The following TRPV4 variants were observed in gnomAD, a reference collection of about 807,000 sequenced individuals.
TRPV4 encodes OSM9-like transient receptor potential channel 4.
In TRPV4, 58 loss-of-function variants were observed where a neutral mutation model predicts 84.1. The observed-to-expected ratio is 0.69, with a 90% CI of 0.56 to 0.86. TRPV4 has a LOEUF of 0.86. Among genes scored for constraint, TRPV4 ranks in the 40% least tolerant of loss-of-function variants. The probability of loss-of-function intolerance (pLI) is 0.00; values close to 1 mark genes in which losing one functional copy is unlikely to be tolerated. For synonymous variants in TRPV4, 489 were observed against 500.9 expected, an observed-to-expected ratio of 0.98 and a Z score of 0.32; for missense variants, 879 against 1,181.1, an observed-to-expected ratio of 0.74 and a Z score of 3.75.
intron 3 of TRPV4, 81 bp downstream of exon 3, chr12:109,808,215 G>A: frequency 6.6e-7 from 1 of 1,524,420 alleles, no homozygotes. Flanking sequence ...GAAAGAAGCT[G>A]AGGGGAAAGG....
chr12:109,795,212 A>G (rs1310323230), intron 7 of TRPV4, among the ~76,000 whole-genome samples: 1 of 152,192 alleles, frequency 6.6e-6, no homozygotes, highest in East Asian at 1.9e-4. Flanking sequence ...ACTCACCACA[A>G]TTCTCCAATT....
At chr12:109,795,934 T>TTTA (rs1274297887) in intron 7 of TRPV4, among the ~76,000 whole-genome samples, 1 of 151,584 alleles carries the variant, frequency 6.6e-6, no homozygotes, top group African/African-American at 2.4e-5. Context: ...TTATTATTTT[T>TTTA]TTTTGGTAGA....
At chr12:109,821,162 C>T (rs1041702803) in intron 1 of TRPV4, among the ~76,000 whole-genome samples, 1 of 152,270 alleles carries the variant, frequency 6.6e-6, no homozygotes, top group African/African-American at 2.4e-5. Context: ...AAACCTGCTC[C>T]GCCCCAGCGG....
At chr12:109,830,226 T>A (rs1354400671) in intron 1 of TRPV4, among the ~76,000 whole-genome samples, 2 of 152,176 alleles carry the variant, frequency 1.3e-5, no homozygotes, top group South Asian at 4.1e-4. Context: ...AGGGATGGAT[T>A]TGCAATCACA....
At chr12:109,820,147 G>A (rs949205179) in intron 1 of TRPV4, among the ~76,000 whole-genome samples, 1 of 152,122 alleles carries the variant, frequency 6.6e-6, no homozygotes, top group Admixed American at 6.6e-5. Context: ...CAATCCCTTT[G>A]GGGGCAGACC....
In TRPV4 at chr12:109,814,994, T is replaced by C; in HGVS notation, c.-31-167A>G. On this transcript the variant is annotated intron_variant, in intron 1 of 15. Coordinates refer to ENST00000261740, the MANE Select transcript of TRPV4 (RefSeq NM_021625.5). The surrounding 1 kb of genome is among the most constrained non-coding windows in gnomAD (Gnocchi z 5.4). ...TCCCAGATGTGGTTGGCCGCCAGCCTCAGGCGGGAACTGCAACAGGAGCCT... is the reference window on the plus strand; with the variant it reads ...TCCCAGATGTGGTTGGCCGCCAGCCCCAGGCGGGAACTGCAACAGGAGCCT... 4.6e-6 allele frequency: 3 copies of C among 652,702 alleles called. No homozygotes were observed. In the South Asian group the frequency reaches 5.8e-5, roughly 13 times the overall value. The allele number at this position is 652,702 out of a possible 1,614,324, so 40.4% of individuals were successfully genotyped here. A position where few individuals can be genotyped will look rare whatever the true frequency, so the allele number is the denominator to read the frequency against.
chr12:109,819,531 T>C (rs1032014989), intron 1 of TRPV4, among the ~76,000 whole-genome samples: 1 of 152,224 alleles, frequency 6.6e-6, no homozygotes, highest in Non-Finnish European at 1.5e-5. Context: ...CCTCACACAC[T>C]GACATCTTCA....
At chr12:109,805,869 A>C (rs1420516464) in intron 3 of TRPV4, among the ~76,000 whole-genome samples, 1 of 152,222 alleles carries the variant, frequency 6.6e-6, no homozygotes, top group South Asian at 2.1e-4. Context: ...GAAGCCCCCA[A>C]CTCAGTCCTG....
rs750139086 is a variant in TRPV4 at position 109,786,662 on chromosome 12, T to C, written c.2336+48A>G. The stretch of plus-strand genomic sequence containing the variant: ...TGGAGCAGCAGGGGCCCCGAGCCAG[T>C]GGGGACAGTTCCGCCCTGCCATCCT... On this transcript the variant is annotated intron_variant, in intron 14 of 15. Coordinates refer to ENST00000261740, the MANE Select transcript of TRPV4 (RefSeq NM_021625.5). The surrounding 1 kb of genome is among the most constrained non-coding windows in gnomAD (Gnocchi z 4.5). The C allele has an allele frequency of 5.6e-6, 9 of 1,611,408 alleles. No individual in the cohort carries two copies. The highest frequency in any genetic ancestry group is 1.3e-5 in the African/African-American group (1 of 74,892).
At chr12:109,785,470 G>A (rs1050162982) in intron 14 of TRPV4, among the ~76,000 whole-genome samples, 1 of 151,822 alleles carries the variant, frequency 6.6e-6, no homozygotes, top group African/African-American at 2.4e-5. Flanking sequence ...CCAGACTGGA[G>A]TGCAGTAGTG....
At chr12:109,823,859 T>G (rs910727877) in intron 1 of TRPV4, among the ~76,000 whole-genome samples, 2 of 152,152 alleles carry the variant, frequency 1.3e-5, no homozygotes, top group African/African-American at 4.8e-5. Flanking sequence ...GTCACTTCCC[T>G]CCCAGAACCT....
In TRPV4 at chr12:109,793,650, AGAG is replaced by A. The variant is rs1287193597; in HGVS notation, c.1585-53_1585-51del. The A allele has an allele frequency of 2.8e-6, 4 of 1,412,344 alleles. No individual in the cohort carries two copies. The highest frequency in any genetic ancestry group is 2.3e-5 in the East Asian group (1 of 43,928). 87.5% of individuals were successfully genotyped at this position (1,412,344 alleles called of 1,614,324 possible). ...AAAGGGGTGGGGCCAGCAGGAGAGGAGAGGAGGAGAGAGGAGACAGAGAAAGGG... is the reference window on the plus strand; with the variant it reads ...AAAGGGGTGGGGCCAGCAGGAGAGGAGAGGAGAGAGGAGACAGAGAAAGGG... On this transcript the variant is annotated intron_variant, in intron 9 of 15. Transcript: ENST00000261740. This position sits in a 1 kb window ranked among gnomAD's most constrained non-coding sequence, Gnocchi z 4.0.
At chr12:109,820,576 T>C (rs1281171869) in intron 1 of TRPV4, among the ~76,000 whole-genome samples, 2 of 140,700 alleles carry the variant, frequency 1.4e-5, no homozygotes, top group Non-Finnish European at 3.0e-5. Flanking sequence ...TAGGCTGGAG[T>C]GCAGTGGCGC....
intron 12 of TRPV4, among the ~76,000 whole-genome samples, chr12:109,788,949 A>ATCTC (rs747965800): frequency 2.1e-4 from 32 of 151,218 alleles, no homozygotes; most frequent in African/African-American, 7.3e-4. Context: ...GGAAGAGGTT[A>ATCTC]TCTCTCTCTC....
intron 1 of TRPV4, among the ~76,000 whole-genome samples, chr12:109,816,793 G>A (rs1891872305): frequency 6.6e-6 from 1 of 152,094 alleles, no homozygotes; most frequent in Non-Finnish European, 1.5e-5. Context: ...AAATACCTCA[G>A]GTAAGTTGCT....
chr12:109,801,299 C>T (rs1203733719), intron 4 of TRPV4, among the ~76,000 whole-genome samples: 1 of 152,220 alleles, frequency 6.6e-6, no homozygotes, highest in African/African-American at 2.4e-5. Context: ...ACCTAAATCT[C>T]ACCTTGAATT....
At chr12:109,806,281 A>C (rs1592850589) in intron 3 of TRPV4, among the ~76,000 whole-genome samples, 1 of 147,156 alleles carries the variant, frequency 6.8e-6, no homozygotes, top group African/African-American at 2.5e-5. Context: ...TGCAACCCCC[A>C]CCTCCCAGGT....
At chr12:109,831,486 C>T (rs1047774725) in intron 1 of TRPV4, among the ~76,000 whole-genome samples, 1 of 152,246 alleles carries the variant, frequency 6.6e-6, no homozygotes, top group Non-Finnish European at 1.5e-5. Context: ...ATCCTTCTTG[C>T]CTTCACACGC....
chr12:109,783,652 C>CG lies in TRPV4; in HGVS notation c.2584dup (p.Arg862ProfsTer6), dbSNP rs746597270. On this transcript the variant is annotated frameshift_variant, in exon 16 of 16. Transcript: ENST00000261740. LOFTEE classifies it high-confidence loss of function. This position sits in a 1 kb window ranked among gnomAD's most constrained non-coding sequence, Gnocchi z 4.6. ...CGGGGCGTCATCAGTCCTCCACTTG[C>CG]GGGGGTAACCCTGCTGGTGGCCATC... 1.2e-6 allele frequency: 2 copies of CG among 1,613,654 alleles called. No individual in the cohort carries two copies. Among genetic ancestry groups the CG allele is most frequent in the Non-Finnish European group, 1.7e-6 (2 of 1,179,970 alleles).
Sources: gnomAD v4.1 joint callset for allele counts (sites outside exome capture counted in the v4.1 genomes callset) on GRCh38, gnomAD v4.1.1 for gene constraint, Gnocchi (gnomAD v3.1) non-coding constraint, MANE v1.5 for transcripts, NCBI Gene and HGNC (gene_info 2026-07-23, HGNC 2026-07-21) for gene names.